SAMD12: variants seen among roughly 807,000 people sequenced by gnomAD.
SAMD12 encodes sterile alpha motif domain containing 12, also known as sterile alpha motif domain-containing protein 12.
In SAMD12, 9 loss-of-function variants were observed where a neutral mutation model predicts 15.0. That is an observed-to-expected ratio of 0.60 (90% CI 0.36 to 1.05). The LOEUF is 1.05. Among genes scored for constraint, SAMD12 ranks in the 50% least tolerant of loss-of-function variants. The pLI, the probability that SAMD12 is intolerant of heterozygous loss-of-function variation, is 0.01. For missense variants in SAMD12, 230 were observed against 234.2 expected (o/e 0.98, Z 0.12); for synonymous variants, 86 against 90.1 (o/e 0.96, Z 0.25).
At chr8:118,175,663 C>T in the SAMD12 span, among the ~76,000 whole-genome samples, 1 of 152,082 alleles carries the variant, frequency 6.6e-6, no homozygotes, top group African/African-American at 2.4e-5. Context: ...AATAACCCCA[C>T]TAAAAATGGG....
intron 2 of SAMD12, among the ~76,000 whole-genome samples, chr8:118,494,760 T>G (rs1372154107): frequency 6.6e-6 from 1 of 152,224 alleles, no homozygotes; most frequent in African/African-American, 2.4e-5. Flanking sequence ...TAATTCTTTG[T>G]GTACTTGTCT....
At chr8:118,522,198 ATACACACACACACACACG>A (rs1262988131) in intron 2 of SAMD12, among the ~76,000 whole-genome samples, 110 of 18,798 alleles carry the variant, frequency 5.9e-3, no homozygotes, top group South Asian at 0.022. Context: ...ACACACACAC[ATACACACACACACACACG>A]ATAAAAAGAG....
chr8:118,262,322 A>C (rs929981702), intron 4 of SAMD12, among the ~76,000 whole-genome samples: 2 of 152,104 alleles, frequency 1.3e-5, no homozygotes, highest in Non-Finnish European at 2.9e-5. Context: ...AATAAAAGAG[A>C]AACAATTTCA....
In SAMD12 at chr8:118,378,705, G is replaced by A. The variant is rs972849582; in HGVS notation, c.*712C>T. On this transcript the variant is annotated 3_prime_UTR_variant, in exon 4 of 4. Transcript: ENST00000314727. ...ATTTTATCATCCTTTCATTTAAAACGATGTACAATGGACGCTAAAATAAAA... is the reference window on the plus strand; with the variant it reads ...ATTTTATCATCCTTTCATTTAAAACAATGTACAATGGACGCTAAAATAAAA... 6 of 984,658 alleles carry A rather than the reference G, an allele frequency of 6.1e-6. No homozygotes were observed. The highest frequency in any genetic ancestry group is 4.7e-5 in the South Asian group (1 of 21,274). 61.0% of individuals were successfully genotyped at this position (984,658 alleles called of 1,614,324 possible). A position where few individuals can be genotyped will look rare whatever the true frequency, so the allele number is the denominator to read the frequency against.
rs561058616 is a variant in SAMD12 at position 118,548,976 on chromosome 8, G to A, written c.192+31739C>T. On this transcript the variant is annotated intron_variant, in intron 2 of 3. Transcript: ENST00000314727. ...GCAAGGCGGCAGCCAGGCTGGGGGA[G>A]GGGCGCCCGCCATTGCGCAGGCTTG... 3.0e-4 allele frequency among the ~76,000 whole-genome samples: 46 copies of A among 152,382 alleles called. 2 individuals are homozygous for A. In the South Asian group the frequency reaches 3.5e-3, roughly 12 times the overall value.
intron 4 of SAMD12, among the ~76,000 whole-genome samples, chr8:118,245,280 C>A (rs1336393733): frequency 6.6e-6 from 1 of 152,090 alleles, no homozygotes; most frequent in East Asian, 1.9e-4. Flanking sequence ...GAGGTCAGAG[C>A]AGTTTTCAGA....
intron 4 of SAMD12, among the ~76,000 whole-genome samples, chr8:118,303,619 TTCTC>T (rs1344248718): frequency 6.6e-6 from 1 of 152,192 alleles, no homozygotes; most frequent in Non-Finnish European, 1.5e-5. Flanking sequence ...CAAAATTTCT[TTCTC>T]TTCTAATTTT....
chr8:118,293,522 T>C (rs1337528290), intron 4 of SAMD12, among the ~76,000 whole-genome samples: 1 of 152,212 alleles, frequency 6.6e-6, no homozygotes, highest in Non-Finnish European at 1.5e-5. Context: ...TTATATTTGG[T>C]TTAAAAATAC....
At chr8:118,211,754 A>G (rs1239753665) in intron 4 of SAMD12, among the ~76,000 whole-genome samples, 1 of 151,906 alleles carries the variant, frequency 6.6e-6, no homozygotes, top group Non-Finnish European at 1.5e-5. Flanking sequence ...GCCCAGCCCC[A>G]TGAAAAGCTT....
rs1294257104 is a variant in SAMD12 at position 118,552,370 on chromosome 8, A to G, written c.192+28345T>C. On this transcript the variant is annotated intron_variant, in intron 2 of 3. Coordinates refer to ENST00000314727, the MANE Select transcript of SAMD12 (RefSeq NM_207506.3). ...CATCCCTGGGATGCAAGGCTGGTTC[A>G]ATATATGCAAATCAATAAATGTAAT... Among the ~76,000 whole-genome samples the G allele has an allele frequency of 2.0e-5, 3 of 152,344 alleles. No homozygotes were observed. In the East Asian group the frequency reaches 5.8e-4, roughly 29 times the overall value.
intron 2 of SAMD12, among the ~76,000 whole-genome samples, chr8:118,559,510 A>G (rs1281397358): frequency 6.6e-6 from 1 of 152,232 alleles, no homozygotes; most frequent in Non-Finnish European, 1.5e-5. Flanking sequence ...TACAAGGCTC[A>G]TCATACACTT....
chr8:118,334,341 G>T (rs2130513666), intron 4 of SAMD12, among the ~76,000 whole-genome samples: 1 of 152,148 alleles, frequency 6.6e-6, no homozygotes, highest in East Asian at 1.9e-4. Context: ...AAACAATGAT[G>T]GAAAGATAAA....
intron 4 of SAMD12, among the ~76,000 whole-genome samples, chr8:118,338,743 C>G (rs533168671): frequency 6.6e-6 from 1 of 152,184 alleles, no homozygotes; most frequent in South Asian, 2.1e-4. Flanking sequence ...CTCAGCCTCC[C>G]TGGGCTAGAA....
the SAMD12 span, among the ~76,000 whole-genome samples, chr8:118,133,463 G>A: frequency 1.3e-5 from 2 of 152,068 alleles, no homozygotes; most frequent in Admixed American, 6.6e-5. Context: ...ATTAAGCCCA[G>A]CATCTATTAG....
chr8:118,418,539 AC>A (rs1379413739), intron 3 of SAMD12, among the ~76,000 whole-genome samples: 2 of 151,860 alleles, frequency 1.3e-5, no homozygotes, highest in African/African-American at 2.4e-5. Flanking sequence ...ACTCGGTGAA[AC>A]CCCGTCTCTA....
intron 3 of SAMD12, among the ~76,000 whole-genome samples, chr8:118,427,899 T>C (rs767456027): frequency 6.6e-6 from 1 of 152,198 alleles, no homozygotes; most frequent in Non-Finnish European, 1.5e-5. Flanking sequence ...ACAACATACA[T>C]ACAAGAGATT....
chr8:118,618,800 C>A (rs1365799190), intron 1 of SAMD12, among the ~76,000 whole-genome samples: 1 of 147,186 alleles, frequency 6.8e-6, no homozygotes, highest in East Asian at 2.0e-4. Flanking sequence ...GATCGCGCCA[C>A]TGCATTCCAG....
chr8:118,577,425 C>T (rs1294719850), intron 2 of SAMD12, among the ~76,000 whole-genome samples: 1 of 152,126 alleles, frequency 6.6e-6, no homozygotes, highest in Non-Finnish European at 1.5e-5. Context: ...CAATCCTCCC[C>T]CAATCCACAT....
intron 3 of SAMD12, among the ~76,000 whole-genome samples, chr8:118,406,496 A>G (rs899677332): frequency 1.3e-5 from 2 of 152,014 alleles, no homozygotes; most frequent in African/African-American, 4.8e-5. Context: ...CTAGTCTCGA[A>G]CACCTGACCT....
Sources: allele counts gnomAD v4.1 joint callset (sites outside exome capture counted in the v4.1 genomes callset), GRCh38; gene constraint gnomAD v4.1.1; transcripts MANE v1.5; gene names NCBI Gene and HGNC (gene_info 2026-07-23, HGNC 2026-07-21).